Variants in GRIA4 observed in about 807,000 individuals in gnomAD.
GRIA4 encodes the protein glutamate receptor 4.
A neutral mutation model predicts 104.0 loss-of-function variants in GRIA4; 34 were observed. That is an observed-to-expected ratio of 0.33 (90% CI 0.25 to 0.44). The LOEUF (loss-of-function observed/expected upper bound fraction) is 0.44, where lower values mean the gene tolerates loss of function less well. GRIA4 is among the 20% of genes least tolerant of loss of function. The probability of loss-of-function intolerance (pLI) is 1.00; values close to 1 mark genes in which losing one functional copy is unlikely to be tolerated. For missense variants in GRIA4, 750 were observed against 1,096.5 expected (o/e 0.68, Z 4.46); for synonymous variants, 386 against 381.9 (o/e 1.01, Z -0.13).
At chr11:105,693,421 A>G (rs1304451670) in intron 3 of GRIA4, among the ~76,000 whole-genome samples, 1 of 152,182 alleles carries the variant, frequency 6.6e-6, no homozygotes, top group Non-Finnish European at 1.5e-5. Context: ...TTGTGAAAAT[A>G]CAGTAAACCT....
intron 4 of GRIA4, among the ~76,000 whole-genome samples, chr11:105,756,744 T>A (rs948231922): frequency 1.7e-4 from 21 of 122,102 alleles, no homozygotes; most frequent in African/African-American, 7.0e-4. Context: ...TTAAATCTTT[T>A]ATGAAGACTC....
chr11:105,923,405 T>C (rs528860330), intron 11 of GRIA4, among the ~76,000 whole-genome samples: 1 of 152,248 alleles, frequency 6.6e-6, no homozygotes, highest in Admixed American at 6.5e-5. Context: ...GCTGCCATGA[T>C]ATGTGAATCT....
At chr11:105,857,095 T>C (rs1010656483) in intron 4 of GRIA4, among the ~76,000 whole-genome samples, 2 of 152,140 alleles carry the variant, frequency 1.3e-5, no homozygotes, top group African/African-American at 4.8e-5. Flanking sequence ...TATTCCTCCA[T>C]GTACTGAAAC....
In GRIA4 at chr11:105,868,075, G is replaced by C. The variant is rs1387026697; in HGVS notation, c.672+5867G>C. Among the ~76,000 whole-genome samples the C allele has an allele frequency of 8.5e-5, 13 of 152,126 alleles. 1 individual carries two copies. Among genetic ancestry groups the C allele is most frequent in the Admixed American group, 2.6e-4 (4 of 15,256 alleles). The stretch of plus-strand genomic sequence containing the variant: ...TAAATAATTACAAAATAATTTGATG[G>C]CTTCAGAAACAGAGATATTACAAAA... On this transcript the variant is annotated intron_variant, in intron 5 of 16. Coordinates refer to ENST00000282499, the MANE Select transcript of GRIA4 (RefSeq NM_000829.4).
At chr11:105,967,086 G>T (rs1858415178) in intron 14 of GRIA4, among the ~76,000 whole-genome samples, 2 of 151,998 alleles carry the variant, frequency 1.3e-5, no homozygotes. Context: ...ATTCTTTCAT[G>T]CAAATTAGAA....
At chr11:105,663,290 C>T (rs759490641) in intron 3 of GRIA4, among the ~76,000 whole-genome samples, 30 of 151,900 alleles carry the variant, frequency 2.0e-4, no homozygotes, top group East Asian at 5.8e-4. Context: ...CACAATAGTA[C>T]GTTAGTTCAA....
At chr11:105,684,307 G>T (rs931376766) in intron 3 of GRIA4, among the ~76,000 whole-genome samples, 1 of 151,930 alleles carries the variant, frequency 6.6e-6, no homozygotes, top group Non-Finnish European at 1.5e-5. Flanking sequence ...TAAACAGATG[G>T]AAAACACAGA....
At chr11:105,956,697 T>C (rs1036368553) in intron 14 of GRIA4, among the ~76,000 whole-genome samples, 118 of 152,348 alleles carry the variant, frequency 7.7e-4, no homozygotes, top group African/African-American at 2.8e-3. Context: ...TCTTCCACAA[T>C]GGTTGAACTA....
At chr11:105,738,553 A>T (rs1213407016) in intron 3 of GRIA4, among the ~76,000 whole-genome samples, 1 of 152,162 alleles carries the variant, frequency 6.6e-6, no homozygotes, top group African/African-American at 2.4e-5. Flanking sequence ...ACTCATGAGA[A>T]TAGTTGTTTC....
At chr11:105,786,123 C>A (rs114458076) in intron 4 of GRIA4, among the ~76,000 whole-genome samples, 5 of 118,334 alleles carry the variant, frequency 4.2e-5, no homozygotes, top group Non-Finnish European at 6.5e-5. Flanking sequence ...CCAGCCTGGG[C>A]GACACAGTGA....
At chr11:105,795,794 C>A (rs2135819934) in intron 4 of GRIA4, among the ~76,000 whole-genome samples, 1 of 152,246 alleles carries the variant, frequency 6.6e-6, no homozygotes, top group South Asian at 2.1e-4. Flanking sequence ...GCTTATTATG[C>A]ATTTATATTC....
intron 13 of GRIA4, among the ~76,000 whole-genome samples, chr11:105,932,791 T>C (rs538190267): frequency 2.0e-5 from 3 of 152,188 alleles, no homozygotes; most frequent in South Asian, 4.1e-4. Flanking sequence ...CAACCTAGAG[T>C]TTGATTCTTG....
chr11:105,881,134 G>A (rs1465924086), intron 5 of GRIA4, among the ~76,000 whole-genome samples: 1 of 152,176 alleles, frequency 6.6e-6, no homozygotes, highest in Admixed American at 6.5e-5. Flanking sequence ...TGGAATGAGT[G>A]TAAACTAATT....
chr11:105,675,882 C>T (rs555677798), intron 3 of GRIA4, among the ~76,000 whole-genome samples: 2 of 151,814 alleles, frequency 1.3e-5, no homozygotes, highest in South Asian at 2.1e-4. Context: ...AATGTAGACA[C>T]ATTCCAGATG....
chr11:105,964,798 TTTTTTTGTTTGTTTG>T (rs1446476868), intron 14 of GRIA4, among the ~76,000 whole-genome samples: 14 of 149,696 alleles, frequency 9.4e-5, no homozygotes, highest in East Asian at 5.8e-4. Flanking sequence ...TTTTTTGTTT[TTTTTTTGTTTGTTTG>T]TTTTTGTTTT....
chr11:105,812,245 T>A (rs1057208196), intron 4 of GRIA4, among the ~76,000 whole-genome samples: 2 of 152,234 alleles, frequency 1.3e-5, no homozygotes, highest in African/African-American at 4.8e-5. Flanking sequence ...CTTCTCAATT[T>A]CTACCTGTGT....
chr11:105,942,596 C>A (rs1252476291), intron 14 of GRIA4, among the ~76,000 whole-genome samples: 1 of 152,008 alleles, frequency 6.6e-6, no homozygotes, highest in Non-Finnish European at 1.5e-5. Flanking sequence ...GAAATGAGAT[C>A]TTCTGACAAT....
chr11:105,750,451 AAAGT>A (rs1939932456), intron 3 of GRIA4, among the ~76,000 whole-genome samples: 1 of 152,176 alleles, frequency 6.6e-6, no homozygotes, highest in South Asian at 2.1e-4. Flanking sequence ...CTATAGTTTC[AAAGT>A]AAGTATATAT....
At chr11:105,863,734 G>T (rs1206558320) in intron 5 of GRIA4, among the ~76,000 whole-genome samples, 6 of 152,112 alleles carry the variant, frequency 3.9e-5, no homozygotes, top group African/African-American at 1.4e-4. Flanking sequence ...TGCCTGGATT[G>T]CCAAGTTCCT....
Sources: gnomAD v4.1 joint callset for allele counts (sites outside exome capture counted in the v4.1 genomes callset) on GRCh38, gnomAD v4.1.1 for gene constraint, MANE v1.5 for transcripts, NCBI Gene and HGNC (gene_info 2026-07-23, HGNC 2026-07-21) for gene names.